Variants in EXTL3 observed in about 807,000 individuals in gnomAD.
EXTL3 encodes the protein exostosin-like 3.
In EXTL3, 27 loss-of-function variants were observed where a neutral mutation model predicts 69.3. The observed-to-expected ratio is 0.39, with a 90% CI of 0.29 to 0.54. The LOEUF is 0.54. EXTL3 is among the 20% of genes least tolerant of loss of function. EXTL3 has a pLI of 0.69. For synonymous variants in EXTL3, 511 were observed against 499.4 expected, an observed-to-expected ratio of 1.02 and a Z score of -0.31; for missense variants, 1,003 against 1,231.8, an observed-to-expected ratio of 0.81 and a Z score of 2.78.
In EXTL3 at chr8:28,715,751, G is replaced by T; in HGVS notation, c.-309G>T. Reference sequence around the variant, plus strand: ...TGTCTGATTCCAGGGTGTTTTTCCTGGGTTTCATCATCAGGTACCTCCTCC... The same window carrying T: ...TGTCTGATTCCAGGGTGTTTTTCCTTGGTTTCATCATCAGGTACCTCCTCC... On this transcript the variant is annotated 5_prime_UTR_variant, in exon 3 of 7. Transcript: ENST00000220562. The T allele has an allele frequency of 2.5e-6, 1 of 393,220 alleles. No individual in the cohort carries two copies. The highest frequency in any genetic ancestry group is 4.6e-6 in the Non-Finnish European group (1 of 216,756). The allele number at this position is 393,220 out of a possible 1,614,324, so 24.4% of individuals were successfully genotyped here.
intron 1 of EXTL3, among the ~76,000 whole-genome samples, chr8:28,674,583 T>C (rs1383495491): frequency 2.0e-5 from 3 of 152,208 alleles, no homozygotes; most frequent in African/African-American, 7.2e-5. Context: ...GAAAGTCAAA[T>C]GCAGAACCTC....
chr8:28,649,338 A>G (rs141174552), intron 1 of EXTL3, among the ~76,000 whole-genome samples: 24 of 152,310 alleles, frequency 1.6e-4, no homozygotes, highest in African/African-American at 5.8e-4. Flanking sequence ...TGCTTGTCCC[A>G]GTTGATGGTG....
intron 1 of EXTL3, among the ~76,000 whole-genome samples, chr8:28,659,158 C>G (rs1301862651): frequency 6.6e-6 from 1 of 152,086 alleles, no homozygotes; most frequent in Non-Finnish European, 1.5e-5. Context: ...ATTTGTACTT[C>G]TACTGGGAAA....
chr8:28,617,507 A>G (rs991518019), intron 2 of EXTL3, among the ~76,000 whole-genome samples: 2 of 152,220 alleles, frequency 1.3e-5, no homozygotes, highest in African/African-American at 2.4e-5. Context: ...CAGGCCAGGC[A>G]TGGTGGCTCA....
At chr8:28,659,019 A>G (rs1286179799) in intron 1 of EXTL3, among the ~76,000 whole-genome samples, 2 of 152,250 alleles carry the variant, frequency 1.3e-5, no homozygotes, top group Admixed American at 6.5e-5. Context: ...TGAGTAACTT[A>G]GAGTATATGT....
chr8:28,743,348 C>A, intron 6 of EXTL3, 134 bp downstream of exon 6: 2 of 1,041,050 alleles, frequency 1.9e-6, no homozygotes, highest in Non-Finnish European at 3.0e-6. Context: ...CCTACCTCAT[C>A]AAAGGATTGT....
chr8:28,658,111 C>G (rs544130490), intron 1 of EXTL3, among the ~76,000 whole-genome samples: 1 of 152,156 alleles, frequency 6.6e-6, no homozygotes, highest in Non-Finnish European at 1.5e-5. Context: ...CAGGGCTGCC[C>G]GTGCAGAAGC....
At chr8:28,744,184 C>T (rs1416166715) in intron 6 of EXTL3, 1 of 152,084 alleles carries the variant, frequency 6.6e-6, no homozygotes, top group African/African-American at 2.4e-5. Context: ...GACTGTGCTT[C>T]GTCTGTGTTT....
chr8:28,712,667 A>G (rs764133887), intron 1 of EXTL3, among the ~76,000 whole-genome samples: 11 of 152,188 alleles, frequency 7.2e-5, no homozygotes, highest in South Asian at 4.1e-4. Context: ...TTAGCTGTTT[A>G]GGAAGGAATG....
chr8:28,660,864 T>A (rs1314970812), intron 1 of EXTL3, among the ~76,000 whole-genome samples: 7 of 95,032 alleles, frequency 7.4e-5, no homozygotes, highest in African/African-American at 3.1e-4. Flanking sequence ...TTTTTTTTTT[T>A]TGCTATTGCT....
intron 1 of EXTL3, among the ~76,000 whole-genome samples, chr8:28,654,899 A>T (rs369641894): frequency 1.3e-5 from 2 of 152,338 alleles, no homozygotes; most frequent in East Asian, 3.9e-4. Context: ...CTAACAAGGC[A>T]AACAGAGAAC....
chr8:28,620,433 C>T (rs1806395633), upstream of EXTL3, among the ~76,000 whole-genome samples: 1 of 152,146 alleles, frequency 6.6e-6, no homozygotes, highest in Admixed American at 6.5e-5. Flanking sequence ...ATTGTGTGTG[C>T]CATCCAAGAA....
rs1800903337 is a variant in EXTL3, at chr8:28,705,541, GT to G, written c.-570+3883del. The stretch of plus-strand genomic sequence containing the variant: ...CAAGACCAGCTTGAGCAACATTATA[GT>G]AAGACCCTGTCTCTTAAAAAAAAAA... On this transcript the variant is annotated intron_variant, in intron 1 of 6. Transcript: ENST00000220562. Among the ~76,000 whole-genome samples, 3 of 149,710 alleles carry G rather than the reference GT, an allele frequency of 2.0e-5. No individual in the cohort carries two copies. The South Asian group carries it at 6.4e-4, about 32-fold the overall frequency.
chr8:28,676,311 G>T (rs1223461320), intron 1 of EXTL3, among the ~76,000 whole-genome samples: 1 of 152,182 alleles, frequency 6.6e-6, no homozygotes, highest in Non-Finnish European at 1.5e-5. Context: ...AGAGCTCTGT[G>T]ATTGCTCTTG....
rs191454495 is a variant in EXTL3 at position 28,645,152 on chromosome 8, G to T, written c.-53+22342G>T. ...TCTCCTGGGGGCCTGCACTGTATTT[G>T]TCATGGTACTTGACACTAAAAAAGA... On this transcript the variant is annotated intron_variant, in intron 1 of 6. Coordinates refer to the EXTL3 transcript ENST00000523149. 1.5e-4 allele frequency among the ~76,000 whole-genome samples: 23 copies of T among 152,298 alleles called. No individual in the cohort carries two copies. In the East Asian group the frequency reaches 4.2e-3, roughly 28 times the overall value.
At chr8:28,727,156 G>A (rs950172790) in intron 3 of EXTL3, among the ~76,000 whole-genome samples, 2 of 152,128 alleles carry the variant, frequency 1.3e-5, no homozygotes, top group African/African-American at 4.8e-5. Flanking sequence ...AAAGTGCTGG[G>A]ATTACAGGTG....
chr8:28,611,879 G>A (rs772634730), intron 2 of EXTL3, among the ~76,000 whole-genome samples: 1 of 152,152 alleles, frequency 6.6e-6, no homozygotes, highest in Non-Finnish European at 1.5e-5. Context: ...GATGCCAGCC[G>A]CTGTCACCCA....
intron 1 of EXTL3, among the ~76,000 whole-genome samples, chr8:28,664,019 C>T (rs1190688279): frequency 2.6e-5 from 4 of 152,190 alleles, no homozygotes; most frequent in African/African-American, 7.2e-5. Flanking sequence ...TGAAAATACA[C>T]GTGGGCCCTG....
rs533495779 is a variant in EXTL3, at chr8:28,633,589, G to GC, written c.-53+10783dup. On this transcript the variant is annotated intron_variant, in intron 1 of 6. Coordinates refer to the EXTL3 transcript ENST00000523149. ...GCGGAGGTTTCAGTGAGTTGAGATT[G>GC]CCCCACTGCAGTCCAGCCTGGGTGA... is the stretch of plus-strand genomic sequence containing the variant. Among the ~76,000 whole-genome samples the GC allele has an allele frequency of 3.7e-4, 57 of 152,146 alleles. 3 individuals are homozygous for GC. In the South Asian group the frequency reaches 0.011, roughly 30 times the overall value.
Sources: allele counts gnomAD v4.1 joint callset (sites outside exome capture counted in the v4.1 genomes callset), GRCh38; gene constraint gnomAD v4.1.1; transcripts MANE v1.5; gene names NCBI Gene and HGNC (gene_info 2026-07-23, HGNC 2026-07-21).